Variants in THBS2 observed in about 807,000 individuals in gnomAD.
The protein encoded by THBS2 is thrombospondin-2.
A neutral mutation model predicts 135.2 loss-of-function variants in THBS2; 47 were observed. The ratio of observed to expected loss-of-function variants is 0.35; its 90% confidence interval spans 0.28 to 0.44. The LOEUF (loss-of-function observed/expected upper bound fraction) is 0.44, where lower values mean the gene tolerates loss of function less well. Among genes scored for constraint, THBS2 ranks in the 20% least tolerant of loss-of-function variants. The pLI is 1.00. For missense variants in THBS2, 1,288 were observed against 1,603.1 expected, an observed-to-expected ratio of 0.80 and a Z score of 3.36; for synonymous variants, 639 against 633.8, an observed-to-expected ratio of 1.01 and a Z score of -0.12.
rs111163626 is a variant in THBS2 at position 169,236,587 on chromosome 6, C to G, written c.1477+583G>C. ...ACTCACTTCCCATCCACACTCACTC[C>G]CCATCCACACTCATTCCCATCCACA... On this transcript the variant is annotated intron_variant, in intron 9 of 21. Coordinates refer to ENST00000617924, the MANE Select transcript of THBS2 (RefSeq NM_003247.5). 2.1e-3 allele frequency among the ~76,000 whole-genome samples: 285 copies of G among 137,116 alleles called. 1 individual carries two copies. The highest frequency in any genetic ancestry group is 7.8e-3 in the Middle Eastern group (2 of 256). 90.0% of individuals were successfully genotyped at this position (137,116 alleles called of 152,430 possible).
chr6:169,223,615 T>C (rs1049234872), intron 17 of THBS2, 140 bp from the exon 18 acceptor site: 24 of 674,606 alleles, frequency 3.6e-5, no homozygotes, highest in African/African-American at 3.4e-4. Context: ...TGCTTTGCAG[T>C]GTTTTGTGGA....
chr6:169,244,644 G>GA (rs1327462556), intron 4 of THBS2, among the ~76,000 whole-genome samples: 2 of 151,872 alleles, frequency 1.3e-5, no homozygotes, highest in Non-Finnish European at 2.9e-5. Flanking sequence ...ATATCAGACT[G>GA]AAAAAACATT....
chr6:169,250,339 C>A (rs965620473), intron 2 of THBS2, among the ~76,000 whole-genome samples: 1 of 152,126 alleles, frequency 6.6e-6, no homozygotes, highest in Non-Finnish European at 1.5e-5. Context: ...AAAGATCAGG[C>A]TTTATCTGTG....
intron 17 of THBS2, among the ~76,000 whole-genome samples, chr6:169,223,829 G>A (rs1779520796): frequency 6.6e-6 from 1 of 152,196 alleles, no homozygotes; most frequent in South Asian, 2.1e-4. Context: ...CTTTGTGTTT[G>A]GATAGTTTTC....
At chr6:169,224,137 G>A (rs890061681) in intron 17 of THBS2, among the ~76,000 whole-genome samples, 5 of 68,972 alleles carry the variant, frequency 7.2e-5, no homozygotes, top group East Asian at 2.7e-4. Flanking sequence ...GTGGCCTGCC[G>A]TTTTGGAGGA....
In THBS2 at chr6:169,220,355, AAAG is replaced by A. The variant is rs140725844; in HGVS notation, c.3372-21_3372-19del. 0.2 allele frequency: 310,616 copies of A among 1,592,120 alleles called. 31,171 individuals carry two copies. The highest frequency in any genetic ancestry group is 0.25 in the African/African-American group (18,163 of 74,096). ...CTAAGACTCTAAAAATGGTGTTTAAAAAGAAGAAGAGGAAAGAAAGACAACATG... is the reference window on the plus strand; with the variant it reads ...CTAAGACTCTAAAAATGGTGTTTAAAAAGAAGAGGAAAGAAAGACAACATG... On this transcript the variant is annotated intron_variant, in intron 20 of 21. Coordinates refer to ENST00000617924, the MANE Select transcript of THBS2 (RefSeq NM_003247.5).
chr6:169,232,855 T>C (rs1779896041), intron 11 of THBS2, 35 bp downstream of exon 11: 2 of 1,606,270 alleles, frequency 1.2e-6, no homozygotes, highest in Admixed American at 3.4e-5. Context: ...GCTCCCGACC[T>C]CAGGGCGCCC....
intron 17 of THBS2, among the ~76,000 whole-genome samples, chr6:169,224,822 T>G (rs957989822): frequency 2.0e-5 from 3 of 152,308 alleles, no homozygotes; most frequent in Admixed American, 6.5e-5. Flanking sequence ...TCCCAATTCA[T>G]CCTACGTTCG....
At chr6:169,250,650 C>T in intron 2 of THBS2, 83 bp downstream of exon 2, 1 of 1,304,430 alleles carries the variant, frequency 7.7e-7, no homozygotes, top group South Asian at 1.4e-5. Flanking sequence ...TCCAACCACA[C>T]ACTTTATTTT....
Position 169,228,359 on chromosome 6 carries a change from G to C in THBS2, c.2260-78C>G, listed in dbSNP as rs1779715629. On this transcript the variant is annotated intron_variant, in intron 14 of 21. Transcript: ENST00000617924. ...GGGCCGTTTAGCACTTATAAGTTATGTACTCAAGGTTGATGAAAATCAATA... is the reference window on the plus strand; with the variant it reads ...GGGCCGTTTAGCACTTATAAGTTATCTACTCAAGGTTGATGAAAATCAATA... 3.3e-6 allele frequency: 5 copies of C among 1,502,918 alleles called. No individual in the cohort carries two copies. In the Admixed American group the frequency reaches 8.1e-5, roughly 24 times the overall value. 93.1% of individuals were successfully genotyped at this position (1,502,918 alleles called of 1,614,324 possible).
intron 19 of THBS2, among the ~76,000 whole-genome samples, chr6:169,221,865 A>G (rs1486479444): frequency 6.6e-6 from 1 of 152,124 alleles, no homozygotes; most frequent in East Asian, 1.9e-4. Flanking sequence ...TTTGATATTC[A>G]ATTCTCCCTA....
Position 169,241,638 on chromosome 6 carries a change from C to T in THBS2, c.891+124G>A. ...GCCCGGCAGACACCTCCCCTGTGAACTGTGGGTTTTTACATCGAGCATGAG... is the reference window on the plus strand; with the variant it reads ...GCCCGGCAGACACCTCCCCTGTGAATTGTGGGTTTTTACATCGAGCATGAG... On this transcript the variant is annotated intron_variant, in intron 5 of 21. Coordinates refer to ENST00000617924, the MANE Select transcript of THBS2 (RefSeq NM_003247.5). This position sits in a 1 kb window ranked among gnomAD's most constrained non-coding sequence, Gnocchi z 5.5. 1 of 994,070 alleles carries T rather than the reference C, an allele frequency of 1.0e-6. No individual in the cohort carries two copies. Among genetic ancestry groups the T allele is most frequent in the Non-Finnish European group, 1.5e-6 (1 of 674,866 alleles). The allele number at this position is 994,070 out of a possible 1,614,324, so 61.6% of individuals were successfully genotyped here. A position where few individuals can be genotyped will look rare whatever the true frequency, so the allele number is the denominator to read the frequency against.
chr6:169,236,997 G>T (rs970652072), intron 9 of THBS2, among the ~76,000 whole-genome samples, 173 bp downstream of exon 9: 7 of 152,260 alleles, frequency 4.6e-5, no homozygotes, highest in African/African-American at 1.4e-4. Context: ...AATCACAAAG[G>T]ATGGGTTCAT....
chr6:169,248,849 G>A lies in THBS2; in HGVS notation c.177C>T (p.Arg59=), dbSNP rs1229905392. ...CGTTCACCGGTGGGATGTAGTCAAA[G>A]CGCACGAAGCGGTAAGCCGGCACGC... ...DPGVPAYRFV[R]FDYIPPVNAD... is the part of the protein sequence containing the mutation. The change falls in exon 3 of 22, where the codon CGC becomes CGT. Residue 59 remains arginine, a synonymous_variant. Coordinates refer to ENST00000617924, the MANE Select transcript of THBS2 (RefSeq NM_003247.5). 6.2e-7 allele frequency: 1 copy of A among 1,611,292 alleles called. No homozygotes were observed. The highest frequency in any genetic ancestry group is 8.5e-7 in the Non-Finnish European group (1 of 1,180,020).
rs1779432871 is a variant in THBS2 at position 169,221,584 on chromosome 6, C to A, written c.3274-57G>T. 3.6e-5 allele frequency: 54 copies of A among 1,493,668 alleles called. No individual in the cohort carries two copies. In the South Asian group the frequency reaches 6.0e-4, roughly 17 times the overall value. 92.5% of individuals were successfully genotyped at this position (1,493,668 alleles called of 1,614,324 possible). A position where few individuals can be genotyped will look rare whatever the true frequency, so the allele number is the denominator to read the frequency against. On this transcript the variant is annotated intron_variant, in intron 19 of 21. Coordinates refer to ENST00000617924, the MANE Select transcript of THBS2 (RefSeq NM_003247.5). Reference sequence around the variant, plus strand: ...TGGGCACCCGGAGCCTTAACCACAGCTCTGTAACACCAAGCAGGAAGCAAA... The same window carrying A: ...TGGGCACCCGGAGCCTTAACCACAGATCTGTAACACCAAGCAGGAAGCAAA...
chr6:169,227,262 C>G (rs1277617700), intron 15 of THBS2, among the ~76,000 whole-genome samples: 1 of 152,138 alleles, frequency 6.6e-6, no homozygotes, highest in Non-Finnish European at 1.5e-5. Context: ...GGCGAGCCTG[C>G]CCCCAGCTCT....
At chr6:169,233,369 G>A (rs1342551037) in intron 10 of THBS2, among the ~76,000 whole-genome samples, 2 of 150,318 alleles carry the variant, frequency 1.3e-5, no homozygotes, top group Non-Finnish European at 3.0e-5. Flanking sequence ...CTACCTACGC[G>A]CCACGTTCCG....
chr6:169,243,139 C>T (rs1303511255), intron 4 of THBS2, among the ~76,000 whole-genome samples: 1 of 124,930 alleles, frequency 8.0e-6, no homozygotes, highest in East Asian at 2.9e-4. Flanking sequence ...CTTCCCACCG[C>T]TCCCACCTTC....
intron 4 of THBS2, among the ~76,000 whole-genome samples, chr6:169,245,805 A>G (rs923456877): frequency 6.6e-6 from 1 of 151,786 alleles, no homozygotes; most frequent in African/African-American, 2.4e-5. Flanking sequence ...AAAAAAAAAA[A>G]AAAAGAAAAC....
Sources: allele counts gnomAD v4.1 joint callset (sites outside exome capture counted in the v4.1 genomes callset), GRCh38; gene constraint gnomAD v4.1.1; non-coding constraint Gnocchi (gnomAD v3.1); transcripts MANE v1.5; gene names NCBI Gene and HGNC (gene_info 2026-07-23, HGNC 2026-07-21).